GALNTL6: variants seen among roughly 807,000 people sequenced by gnomAD.
GALNTL6 encodes polypeptide N-acetylgalactosaminyltransferase like 6.
In GALNTL6, 46 loss-of-function variants were observed where a neutral mutation model predicts 73.7. The ratio of observed to expected loss-of-function variants is 0.62; its 90% CI spans 0.49 to 0.80. GALNTL6 has a LOEUF of 0.80. Among genes scored for constraint, GALNTL6 ranks in the 30% least tolerant of loss-of-function variants. The probability of loss-of-function intolerance (pLI) is 0.00; values close to 1 mark genes in which losing one functional copy is unlikely to be tolerated. For synonymous variants in GALNTL6, 259 were observed against 263.7 expected, an observed-to-expected ratio of 0.98 and a Z score of 0.17; for missense variants, 604 against 755.0, an observed-to-expected ratio of 0.80 and a Z score of 2.34.
chr4:172,349,744 T>C (rs913047929), intron 5 of GALNTL6, among the ~76,000 whole-genome samples: 2 of 151,730 alleles, frequency 1.3e-5, no homozygotes, highest in African/African-American at 4.8e-5. Flanking sequence ...ACACTATTAA[T>C]ATGGCGGAGA....
At chr4:171,826,985 C>T (rs571679) in intron 2 of GALNTL6, among the ~76,000 whole-genome samples, 103,220 of 151,836 alleles carry the variant, frequency 0.68, 36,991 homozygotes, top group East Asian at 0.83. Context: ...GAGTGTCAAC[C>T]TTAAATAATG....
rs1161560310 is a variant in GALNTL6 at position 172,606,619 on chromosome 4, GTATATATATAC to G, written c.554-202720_554-202710del. Among the ~76,000 whole-genome samples, 19 of 33,054 alleles carry G rather than the reference GTATATATATAC, an allele frequency of 5.7e-4. No individual in the cohort carries two copies. In the South Asian group the frequency reaches 0.011, roughly 19 times the overall value. The allele number at this position is 33,054 out of a possible 152,430, so 21.7% of individuals were successfully genotyped here. ...ACATATATACATATATACATATATA[GTATATATATAC>G]TATATATATACTATATATATAGTAT... is the stretch of plus-strand genomic sequence containing the variant. On this transcript the variant is annotated intron_variant, in intron 5 of 12. Coordinates refer to ENST00000506823, the MANE Select transcript of GALNTL6 (RefSeq NM_001034845.3).
intron 10 of GALNTL6, among the ~76,000 whole-genome samples, chr4:172,996,578 T>G (rs562296250): frequency 6.6e-6 from 1 of 152,314 alleles, no homozygotes; most frequent in East Asian, 1.9e-4. Context: ...GAAGAATTAA[T>G]AGTTTCGGAG....
chr4:172,144,402 T>C (rs1263510925), intron 2 of GALNTL6, among the ~76,000 whole-genome samples: 1 of 152,196 alleles, frequency 6.6e-6, no homozygotes, highest in African/African-American at 2.4e-5. Flanking sequence ...CTCTGAAAAC[T>C]TGATTGAGTT....
chr4:172,902,705 C>A (rs1042496694), intron 8 of GALNTL6, among the ~76,000 whole-genome samples: 2 of 152,184 alleles, frequency 1.3e-5, no homozygotes, highest in African/African-American at 4.8e-5. Flanking sequence ...TTATAACAAA[C>A]CAGGTAACCA....
At chr4:171,964,796 C>T (rs942754954) in intron 2 of GALNTL6, among the ~76,000 whole-genome samples, 20 of 152,148 alleles carry the variant, frequency 1.3e-4, no homozygotes, top group Non-Finnish European at 2.2e-4. Context: ...TCTGTTCTGG[C>T]GGTCGACCTT....
At chr4:172,503,523 G>A (rs1734335242) in intron 5 of GALNTL6, among the ~76,000 whole-genome samples, 1 of 27,546 alleles carries the variant, frequency 3.6e-5, no homozygotes, top group South Asian at 1.3e-3. Flanking sequence ...TGTACATAGA[G>A]TAGTATATAT....
At chr4:172,693,240 A>G (rs1165136225) in intron 5 of GALNTL6, among the ~76,000 whole-genome samples, 1 of 152,230 alleles carries the variant, frequency 6.6e-6, no homozygotes, top group Non-Finnish European at 1.5e-5. Flanking sequence ...ATTATTCAGC[A>G]TTAATAAATT....
At chr4:171,971,691 G>A (rs1228890224) in intron 2 of GALNTL6, among the ~76,000 whole-genome samples, 1 of 152,068 alleles carries the variant, frequency 6.6e-6, no homozygotes, top group African/African-American at 2.4e-5. Context: ...GAAATGCAAT[G>A]GGTCTGGTCT....
chr4:171,825,082 GA>G (rs1734787511), intron 2 of GALNTL6, among the ~76,000 whole-genome samples: 1 of 152,004 alleles, frequency 6.6e-6, no homozygotes, highest in Non-Finnish European at 1.5e-5. Flanking sequence ...TGCCCTCAGG[GA>G]AAAAACGATC....
intron 5 of GALNTL6, among the ~76,000 whole-genome samples, chr4:172,706,616 A>G (rs1489420416): frequency 6.6e-6 from 1 of 152,078 alleles, no homozygotes; most frequent in African/African-American, 2.4e-5. Flanking sequence ...AGGTTGACTG[A>G]TGAGTTCCTT....
At chr4:172,427,108 T>C (rs1230666704) in intron 5 of GALNTL6, among the ~76,000 whole-genome samples, 1 of 152,088 alleles carries the variant, frequency 6.6e-6, no homozygotes, top group African/African-American at 2.4e-5. Flanking sequence ...CTTCATAAAA[T>C]GCAAAGTTTT....
intron 8 of GALNTL6, among the ~76,000 whole-genome samples, chr4:172,912,306 C>T (rs558047826): frequency 3.9e-5 from 6 of 152,294 alleles, no homozygotes; most frequent in African/African-American, 7.2e-5. Flanking sequence ...GTGTCAGCAA[C>T]GCAGAAGACG....
intron 5 of GALNTL6, among the ~76,000 whole-genome samples, chr4:172,592,598 A>T (rs556893575): frequency 3.3e-5 from 5 of 152,174 alleles, no homozygotes; most frequent in Admixed American, 6.6e-5. Context: ...TATTTTTAGC[A>T]CTAAAGTTTG....
intron 2 of GALNTL6, among the ~76,000 whole-genome samples, chr4:171,910,582 A>C (rs2110961358): frequency 6.6e-6 from 1 of 152,176 alleles, no homozygotes; most frequent in Non-Finnish European, 1.5e-5. Flanking sequence ...AAAAAAAAAA[A>C]TCAGTTTATG....
At chr4:172,811,459 C>T (rs1273426599) in intron 6 of GALNTL6, among the ~76,000 whole-genome samples, 1 of 152,174 alleles carries the variant, frequency 6.6e-6, no homozygotes, top group African/African-American at 2.4e-5. Context: ...AACCTTAATA[C>T]TAAAATACCT....
At chr4:172,532,590 G>A (rs894764930) in intron 5 of GALNTL6, among the ~76,000 whole-genome samples, 6 of 152,116 alleles carry the variant, frequency 3.9e-5, no homozygotes, top group Admixed American at 3.3e-4. Flanking sequence ...AAATAATCAT[G>A]TATTTTTGGT....
intron 3 of GALNTL6, among the ~76,000 whole-genome samples, chr4:172,270,440 G>C (rs933060362): frequency 6.6e-6 from 1 of 152,154 alleles, no homozygotes; most frequent in Non-Finnish European, 1.5e-5. Flanking sequence ...AGGCTAGTGT[G>C]TATGTATTCT....
At chr4:172,088,887 C>T (rs983198716) in intron 2 of GALNTL6, among the ~76,000 whole-genome samples, 6 of 152,098 alleles carry the variant, frequency 3.9e-5, no homozygotes, top group Non-Finnish European at 5.9e-5. Context: ...GAAATAGTCT[C>T]GTTTCCTTCA....
Sources: allele counts gnomAD v4.1 joint callset (sites outside exome capture counted in the v4.1 genomes callset), GRCh38; gene constraint gnomAD v4.1.1; transcripts MANE v1.5; gene names NCBI Gene and HGNC (gene_info 2026-07-23, HGNC 2026-07-21).